ATAD3A: variants seen among roughly 807,000 people sequenced by gnomAD.
ATAD3A encodes the protein ATPase family AAA domain containing 3A.
ATAD3A carries 46 observed loss-of-function variants against 73.8 expected under a neutral mutation model. The observed-to-expected ratio is 0.62, with a 90% CI of 0.49 to 0.80. The LOEUF is 0.80. Among genes scored for constraint, ATAD3A ranks in the 30% least tolerant of loss-of-function variants. The pLI is 0.00. For missense variants in ATAD3A, 705 were observed against 838.0 expected (o/e 0.84, Z 1.96); for synonymous variants, 319 against 350.0 (o/e 0.91, Z 0.99).
intron 13 of ATAD3A, among the ~76,000 whole-genome samples, 159 bp downstream of exon 13, chr1:1,526,690 C>T (rs1051249736): frequency 2.6e-5 from 4 of 152,200 alleles, no homozygotes; most frequent in Admixed American, 6.5e-5. Context: ...CGGCCCAGCT[C>T]GGGACAGCAC....
intron 2 of ATAD3A, among the ~76,000 whole-genome samples, chr1:1,516,719 A>ATAT (rs1257566049): frequency 6.6e-6 from 1 of 150,930 alleles, no homozygotes; most frequent in African/African-American, 2.4e-5. Context: ...GCCTTGTTTC[A>ATAT]TATTATTATT....
intron 2 of ATAD3A, chr1:1,517,008 G>C: frequency 7.3e-7 from 1 of 1,362,836 alleles, no homozygotes; most frequent in Non-Finnish European, 9.8e-7. Flanking sequence ...CGTCGCACCC[G>C]GTCCACTCAG....
chr1:1,526,351 G>A, intron 12 of ATAD3A, 110 bp from the exon 13 acceptor site: 4 of 1,564,770 alleles, frequency 2.6e-6, no homozygotes, highest in Non-Finnish European at 3.5e-6. Flanking sequence ...ATCCATGAAA[G>A]TGTCGCCATG....
intron 1 of ATAD3A, among the ~76,000 whole-genome samples, chr1:1,514,448 C>G (rs982039293): frequency 2.0e-5 from 3 of 152,216 alleles, no homozygotes; most frequent in Admixed American, 2.0e-4. Flanking sequence ...CAGCCAAACC[C>G]GTTGACCTGG....
At position 1,529,307 on chromosome 1, in the gene ATAD3A, C is replaced by T. The variant is rs370314852; in HGVS notation, c.1590C>T (p.Ile530=). The change falls in exon 15 of 16, where the codon ATC becomes ATT. Residue 530 remains isoleucine, a synonymous_variant. Coordinates refer to ENST00000378756, the MANE Select transcript of ATAD3A (RefSeq NM_001170535.3). ...RLTEGMSGRE[I]AQLAVSWQAT... ...CGGAGGGCATGTCGGGCCGGGAGAT[C>T]GCTCAGCTGGCCGTGTCCTGGCAGG... 2.7e-5 allele frequency: 43 copies of T among 1,598,928 alleles called. No individual in the cohort carries two copies. The highest frequency in any genetic ancestry group is 2.3e-4 in the East Asian group (10 of 44,332).
chr1:1,533,810 C>T lies in ATAD3A; in HGVS notation c.1615-116C>T, dbSNP rs1008688672. ...CGAGGTGCGGGAAGCCTGTGTTTCA[C>T]GCTCAGGCCATCCTGGAGCCCCTGG... On this transcript the variant is annotated intron_variant, in intron 15 of 15. Transcript: ENST00000378756. 118 of 1,376,708 alleles carry T rather than the reference C, an allele frequency of 8.6e-5. 1 individual carries two copies. Among genetic ancestry groups the T allele is most frequent in the Admixed American group, 1.2e-4 (5 of 40,224 alleles). The allele number at this position is 1,376,708 out of a possible 1,614,324, so 85.3% of individuals were successfully genotyped here.
At chr1:1,513,952 G>A (rs1224739338) in intron 1 of ATAD3A, among the ~76,000 whole-genome samples, 6 of 151,966 alleles carry the variant, frequency 3.9e-5, no homozygotes, top group African/African-American at 7.3e-5. Context: ...CCCCTCCTCC[G>A]GCCTGTCCTT....
chr1:1,525,159 C>T lies in ATAD3A; in HGVS notation c.1215-81C>T, dbSNP rs1641758068. The T allele has an allele frequency of 6.9e-6, 11 of 1,590,620 alleles. No individual in the cohort carries two copies. In the Admixed American group the frequency reaches 1.8e-4, roughly 27 times the overall value. On this transcript the variant is annotated intron_variant, in intron 11 of 15. Transcript: ENST00000378756. ...CCCCGTGGGGATCTGCCTGCTTGGC[C>T]TGCTCCTGCCGCGGCCGGACGCTGC...
chr1:1,516,964 G>T, intron 2 of ATAD3A: 3 of 901,410 alleles, frequency 3.3e-6, no homozygotes, highest in Non-Finnish European at 4.9e-6. Context: ...CACCCACTTT[G>T]GCCTCCCAAA....
chr1:1,527,920 A>ACCC (rs1226787065), intron 14 of ATAD3A, 58 bp downstream of exon 14: 1 of 1,515,036 alleles, frequency 6.6e-7, no homozygotes, highest in Non-Finnish European at 8.9e-7. Flanking sequence ...GTCCACCCCG[A>ACCC]CCCACAGTCC....
chr1:1,517,669 T>A (rs1415537554), intron 3 of ATAD3A, 47 bp from the exon 4 acceptor site: 1 of 1,086,442 alleles, frequency 9.2e-7, no homozygotes, highest in Non-Finnish European at 1.4e-6. Context: ...CGGCCCAGAC[T>A]GCAGCTCCCG....
chr1:1,534,147 A>C lies in ATAD3A; in HGVS notation c.*75A>C. 6.2e-7 allele frequency: 1 copy of C among 1,604,966 alleles called. No individual in the cohort carries two copies. Among genetic ancestry groups the C allele is most frequent in the Non-Finnish European group, 8.5e-7 (1 of 1,175,758 alleles). Reference sequence around the variant, plus strand: ...ACCCCTGCCTTGCCGGCCCCTGCACATTTAGGATATGCTCCTGGGTGGGGA... The same window carrying C: ...ACCCCTGCCTTGCCGGCCCCTGCACCTTTAGGATATGCTCCTGGGTGGGGA... On this transcript the variant is annotated 3_prime_UTR_variant, in exon 16 of 16. Coordinates refer to ENST00000378756, the MANE Select transcript of ATAD3A (RefSeq NM_001170535.3).
At chr1:1,532,935 C>T (rs1365434014) in intron 15 of ATAD3A, among the ~76,000 whole-genome samples, 1 of 151,854 alleles carries the variant, frequency 6.6e-6, no homozygotes, top group Non-Finnish European at 1.5e-5. Context: ...GTCTCCTGCG[C>T]TCCCGGGCCC....
chr1:1,525,326 G>A, intron 12 of ATAD3A, 35 bp downstream of exon 12: 1 of 1,613,408 alleles, frequency 6.2e-7, no homozygotes, highest in Non-Finnish European at 8.5e-7. Context: ...ACAATGGGGT[G>A]GTGGGGTGGG....
At chr1:1,526,658 C>T (rs1641858518) in intron 13 of ATAD3A, 127 bp downstream of exon 13, 1 of 1,542,970 alleles carries the variant, frequency 6.5e-7, no homozygotes, top group Non-Finnish European at 8.7e-7. Context: ...TCAACATGCC[C>T]ACCTCGGATG....
chr1:1,526,378 G>T (rs1641843705), intron 12 of ATAD3A, 83 bp from the exon 13 acceptor site: 7 of 1,567,286 alleles, frequency 4.5e-6, no homozygotes, highest in African/African-American at 4.0e-5. Flanking sequence ...CTCCCTGCAG[G>T]AGGGAGGCCT....
At chr1:1,516,957 C>T in intron 2 of ATAD3A, 2 of 825,296 alleles carry the variant, frequency 2.4e-6, no homozygotes, top group Non-Finnish European at 3.7e-6. Flanking sequence ...GTTGATCCAC[C>T]CACTTTGGCC....
At chr1:1,518,484 G>T (rs1470791473) in intron 4 of ATAD3A, among the ~76,000 whole-genome samples, 1 of 55,038 alleles carries the variant, frequency 1.8e-5, no homozygotes, top group Non-Finnish European at 3.6e-5. Context: ...CAGCCCCCCC[G>T]CACACATGGG....
At position 1,527,954 on chromosome 1, in the gene ATAD3A, A is replaced by AT. The variant is rs199888182; in HGVS notation, c.1505+94dup. On this transcript the variant is annotated intron_variant, in intron 14 of 15. Transcript: ENST00000378756. ...CCACCATCACTTACAAACCTTTAAC[A>AT]TTCCTTTTTTTTTTTTTTTTTTGAG... 9.3e-3 allele frequency: 10,762 copies of AT among 1,157,858 alleles called. 405 individuals carry two copies. The African/African-American group carries it at 0.12, about 13-fold the overall frequency. 71.7% of individuals were successfully genotyped at this position (1,157,858 alleles called of 1,614,324 possible). A position where few individuals can be genotyped will look rare whatever the true frequency, so the allele number is the denominator to read the frequency against.
Sources: gnomAD v4.1 joint callset for allele counts (sites outside exome capture counted in the v4.1 genomes callset) on GRCh38, gnomAD v4.1.1 for gene constraint, MANE v1.5 for transcripts, NCBI Gene and HGNC (gene_info 2026-07-23, HGNC 2026-07-21) for gene names.